Variants in MDGA2 observed in about 807,000 individuals in gnomAD.
MDGA2 encodes MAM domain-containing glycosylphosphatidylinositol anchor protein 2.
In MDGA2, 40 loss-of-function variants were observed where a neutral mutation model predicts 117.8. The observed-to-expected ratio is 0.34, with a 90% CI of 0.26 to 0.44. The LOEUF is 0.44. Ranked by LOEUF, MDGA2 falls within the 20% of genes least tolerant of loss-of-function variation. MDGA2 has a pLI of 1.00. For synonymous variants in MDGA2, 452 were observed against 439.0 expected (o/e 1.03, Z -0.37); for missense variants, 1,123 against 1,250.6 (o/e 0.90, Z 1.54).
intron 8 of MDGA2, among the ~76,000 whole-genome samples, chr14:47,026,711 T>C (rs2138611336): frequency 6.6e-6 from 1 of 152,256 alleles, no homozygotes; most frequent in African/African-American, 2.4e-5. Context: ...GACAAATTCC[T>C]TTTTAACTAA....
intron 1 of MDGA2, among the ~76,000 whole-genome samples, chr14:47,356,422 G>A (rs1182419707): frequency 6.6e-6 from 1 of 152,102 alleles, no homozygotes; most frequent in East Asian, 1.9e-4. Context: ...TAGTTCCCGT[G>A]GCCAGTGGTC....
chr14:47,537,016 G>A (rs1048755423), intron 1 of MDGA2, among the ~76,000 whole-genome samples: 4 of 152,056 alleles, frequency 2.6e-5, no homozygotes, highest in Admixed American at 6.6e-5. Context: ...TGTAATTAAA[G>A]CTTATAGACC....
intron 8 of MDGA2, among the ~76,000 whole-genome samples, chr14:47,000,867 TTTGA>T (rs1182865826): frequency 6.6e-6 from 1 of 152,032 alleles, no homozygotes; most frequent in Non-Finnish European, 1.5e-5. Flanking sequence ...TAAGTAATTC[TTTGA>T]TTATTAAAGT....
intron 2 of MDGA2, among the ~76,000 whole-genome samples, chr14:47,274,709 C>T (rs1005386713): frequency 5.3e-5 from 8 of 152,026 alleles, no homozygotes; most frequent in Admixed American, 5.2e-4. Flanking sequence ...TATAAGGATA[C>T]CAATTCCCCA....
Position 47,301,507 on chromosome 14 carries a change from GTTA to G in MDGA2, c.321_323del (p.Asn108del), listed in dbSNP as rs778933498. 1 of 1,551,662 alleles carries G rather than the reference GTTA, an allele frequency of 6.4e-7. No homozygotes were observed. Among genetic ancestry groups the G allele is most frequent in the African/African-American group, 1.4e-5 (1 of 73,146 alleles). On this transcript the variant is annotated inframe_deletion, in exon 2 of 17. Transcript: ENST00000399232. ...TTTCGGAGTAGCGCTCCTCTTCAAT[GTTA>G]CAGGCCAAGCCTGAGTGCACAATAC...
At chr14:46,973,835 G>C (rs1175446981) in intron 8 of MDGA2, among the ~76,000 whole-genome samples, 1 of 151,420 alleles carries the variant, frequency 6.6e-6, no homozygotes, top group Non-Finnish European at 1.5e-5. Flanking sequence ...AATGAAATCA[G>C]AAAAGTAAAA....
intron 1 of MDGA2, among the ~76,000 whole-genome samples, chr14:47,674,036 G>C (rs1898125980): frequency 6.6e-6 from 1 of 150,988 alleles, no homozygotes; most frequent in Non-Finnish European, 1.5e-5. Context: ...CACTTCCTGA[G>C]CCGGAAAATC....
chr14:46,858,512 C>T (rs1280619814), intron 14 of MDGA2, among the ~76,000 whole-genome samples: 1 of 149,936 alleles, frequency 6.7e-6, no homozygotes, highest in African/African-American at 2.5e-5. Flanking sequence ...ACTGAAAGCT[C>T]CGCCTCCCGG....
chr14:47,540,540 G>GTGTGTATATATATATATATATATA, intron 1 of MDGA2, among the ~76,000 whole-genome samples: 79 of 79,130 alleles, frequency 1.0e-3, no homozygotes, highest in African/African-American at 3.0e-3. Context: ...GTGTGTGTGT[G>GTGTGTATATATATATATATATATA]TATATATATA....
At chr14:47,230,880 C>T (rs1031344922) in intron 2 of MDGA2, among the ~76,000 whole-genome samples, 1 of 151,962 alleles carries the variant, frequency 6.6e-6, no homozygotes, top group Non-Finnish European at 1.5e-5. Flanking sequence ...AGAGCATTAA[C>T]AGTACACTAT....
intron 2 of MDGA2, among the ~76,000 whole-genome samples, chr14:47,298,228 A>G (rs1181071878): frequency 6.6e-6 from 1 of 152,222 alleles, no homozygotes; most frequent in Non-Finnish European, 1.5e-5. Flanking sequence ...ATCTGATTCC[A>G]GCATCATGCT....
intron 2 of MDGA2, among the ~76,000 whole-genome samples, chr14:47,242,485 G>C (rs548027507): frequency 1.3e-5 from 2 of 151,832 alleles, no homozygotes; most frequent in African/African-American, 2.4e-5. Flanking sequence ...TGGCGCTTGC[G>C]GGGCAGCTGG....
intron 1 of MDGA2, among the ~76,000 whole-genome samples, chr14:47,410,580 T>C (rs1043370983): frequency 3.0e-4 from 46 of 152,160 alleles, no homozygotes; most frequent in African/African-American, 1.1e-3. Context: ...ATATTTGAGA[T>C]ATTCTTCTAG....
chr14:47,126,499 A>C (rs1295409290), intron 5 of MDGA2, among the ~76,000 whole-genome samples: 1 of 152,070 alleles, frequency 6.6e-6, no homozygotes. Flanking sequence ...ATTAATTAAC[A>C]CTTTCTCTGG....
rs751663507 is a variant in MDGA2, at chr14:47,105,714, CTG to C, written c.926-8593_926-8592del. ...TTACACATCAGTCCCTTCCTAATCT[CTG>C]TGACCAGTGCAACTCGTCCCAAATC... On this transcript the variant is annotated intron_variant, in intron 5 of 16. Transcript: ENST00000399232. 5.5e-3 allele frequency among the ~76,000 whole-genome samples: 824 copies of C among 149,222 alleles called. 8 individuals carry two copies. The highest frequency in any genetic ancestry group is 9.5e-3 in the Non-Finnish European group (639 of 67,204).
intron 1 of MDGA2, among the ~76,000 whole-genome samples, chr14:47,372,000 A>G (rs895484180): frequency 2.6e-5 from 4 of 151,762 alleles, no homozygotes; most frequent in African/African-American, 9.7e-5. Flanking sequence ...TTTATAAAAT[A>G]CTCTCAAATT....
At chr14:47,006,882 T>A (rs1301605898) in intron 8 of MDGA2, among the ~76,000 whole-genome samples, 3 of 151,748 alleles carry the variant, frequency 2.0e-5, no homozygotes, top group African/African-American at 7.2e-5. Context: ...GTATGCATTA[T>A]TCTCGGAGAA....
chr14:47,469,712 C>G (rs1374313445), intron 1 of MDGA2, among the ~76,000 whole-genome samples: 1 of 152,026 alleles, frequency 6.6e-6, no homozygotes, highest in Non-Finnish European at 1.5e-5. Context: ...AGTTCAAGAT[C>G]CCTGAGGAAT....
intron 1 of MDGA2, among the ~76,000 whole-genome samples, chr14:47,315,238 T>A (rs1051210036): frequency 6.6e-6 from 1 of 152,174 alleles, no homozygotes; most frequent in African/African-American, 2.4e-5. Flanking sequence ...GAAACACTTA[T>A]CTATCTGGAT....
Sources: allele counts gnomAD v4.1 joint callset (sites outside exome capture counted in the v4.1 genomes callset), GRCh38; gene constraint gnomAD v4.1.1; transcripts MANE v1.5; gene names NCBI Gene and HGNC (gene_info 2026-07-23, HGNC 2026-07-21).